The following CEP126 variants were observed in gnomAD, a reference collection of about 807,000 sequenced individuals.
CEP126 encodes centrosomal protein 126, also known as centrosomal protein of 126 kDa.
A neutral mutation model predicts 107.8 loss-of-function variants in CEP126; 74 were observed. That is an observed-to-expected ratio of 0.69 (90% CI 0.57 to 0.83). The LOEUF is 0.83. Ranked by LOEUF, CEP126 falls within the 40% of genes least tolerant of loss-of-function variation. CEP126 has a pLI of 0.00. For synonymous variants in CEP126, 449 were observed against 446.0 expected (o/e 1.01, Z -0.08); for missense variants, 1,237 against 1,281.9 (o/e 0.96, Z 0.53).
In CEP126 at chr11:101,956,605, T is replaced by C. The variant is rs764627452; in HGVS notation, c.507-1563T>C. The C allele has an allele frequency of 8.8e-6, 4 of 456,384 alleles. 1 individual carries two copies. The highest frequency in any genetic ancestry group is 4.7e-5 in the Admixed American group (2 of 42,578). The allele number at this position is 456,384 out of a possible 1,614,324, so 28.3% of individuals were successfully genotyped here. A position where few individuals can be genotyped will look rare whatever the true frequency, so the allele number is the denominator to read the frequency against. On this transcript the variant is annotated intron_variant, in intron 4 of 10. Transcript: ENST00000263468. ...TGTTTTCTTCCTCCTCATCTATTCT[T>C]TCCTCTTCTTCGACTTCCTGTTCTA...
intron 3 of CEP126, among the ~76,000 whole-genome samples, chr11:101,946,372 G>A (rs1940736478): frequency 6.6e-6 from 1 of 152,080 alleles, no homozygotes; most frequent in South Asian, 2.1e-4. Context: ...GCCAGGCATG[G>A]TAGTTCATGC....
intron 3 of CEP126, 78 bp from the exon 4 acceptor site, chr11:101,947,953 T>C (rs1343238220): frequency 1.8e-6 from 1 of 565,036 alleles, no homozygotes; most frequent in Non-Finnish European, 3.0e-6. Flanking sequence ...ATTTTATCAT[T>C]AACCAATTAA....
Position 101,997,659 on chromosome 11 carries a change from T to C in CEP126, c.*16T>C, listed in dbSNP as rs1941458460. 6.2e-7 allele frequency: 1 copy of C among 1,613,906 alleles called. No homozygotes were observed. Among genetic ancestry groups the C allele is most frequent in the South Asian group, 1.1e-5 (1 of 91,086 alleles). ...CAAGAGATAATTCCAGCAGAATCCG[T>C]CTAAGAAGACCTTTCATGTACTTCC... is the stretch of plus-strand genomic sequence containing the variant. On this transcript the variant is annotated 3_prime_UTR_variant, in exon 11 of 11. Coordinates refer to ENST00000263468, the MANE Select transcript of CEP126 (RefSeq NM_020802.4).
intron 9 of CEP126, among the ~76,000 whole-genome samples, chr11:101,991,866 C>G (rs1323093280): frequency 6.6e-6 from 1 of 152,146 alleles, no homozygotes; most frequent in Admixed American, 6.5e-5. Context: ...TATATGAAGT[C>G]TAAAAACAGA....
chr11:101,994,670 G>C (rs1393880139), intron 10 of CEP126, among the ~76,000 whole-genome samples: 3 of 152,164 alleles, frequency 2.0e-5, no homozygotes, highest in African/African-American at 7.2e-5. Context: ...TTGAAGATCA[G>C]ATGGTTATAG....
intron 4 of CEP126, among the ~76,000 whole-genome samples, chr11:101,948,891 A>C (rs1012703899): frequency 6.6e-6 from 1 of 152,218 alleles, no homozygotes; most frequent in Non-Finnish European, 1.5e-5. Context: ...CAATTCAGAC[A>C]ATAAATTATG....
At chr11:101,979,039 G>A (rs1250877505) in intron 7 of CEP126, among the ~76,000 whole-genome samples, 2 of 152,092 alleles carry the variant, frequency 1.3e-5, no homozygotes, top group Non-Finnish European at 1.5e-5. Context: ...GGCTGAGGCA[G>A]GAGAATTGCT....
chr11:101,985,261 G>T (rs1941303010), intron 8 of CEP126, among the ~76,000 whole-genome samples: 1 of 151,204 alleles, frequency 6.6e-6, no homozygotes, highest in Admixed American at 6.6e-5. Flanking sequence ...TGTGTATAAG[G>T]TATATATGAA....
intron 10 of CEP126, among the ~76,000 whole-genome samples, chr11:101,993,518 C>A (rs973767125): frequency 6.6e-6 from 1 of 152,028 alleles, no homozygotes; most frequent in Non-Finnish European, 1.5e-5. Flanking sequence ...ATGAACATAC[C>A]CCTGCATGTC....
intron 8 of CEP126, among the ~76,000 whole-genome samples, chr11:101,986,314 A>G (rs558392668): frequency 6.6e-6 from 1 of 152,260 alleles, no homozygotes; most frequent in African/African-American, 2.4e-5. Context: ...AAAAACTAAT[A>G]TGTAAAATCA....
intron 6 of CEP126, among the ~76,000 whole-genome samples, chr11:101,970,083 G>T (rs1941108033): frequency 6.6e-6 from 1 of 152,146 alleles, no homozygotes; most frequent in Admixed American, 6.5e-5. Flanking sequence ...ATTAAAATTA[G>T]AGACTATTTT....
At chr11:101,960,263 T>C (rs1251571014) in intron 5 of CEP126, among the ~76,000 whole-genome samples, 1 of 152,188 alleles carries the variant, frequency 6.6e-6, no homozygotes, top group Non-Finnish European at 1.5e-5. Flanking sequence ...AAGTATTGTT[T>C]ATGAAATCAG....
In CEP126 at chr11:101,999,892, A is replaced by T. The variant is rs894520230; in HGVS notation, c.*2249A>T. The T allele has an allele frequency of 6.6e-6, 1 of 152,260 alleles. No homozygotes were observed. The highest frequency in any genetic ancestry group is 1.5e-5 in the Non-Finnish European group (1 of 68,104). 9.4% of individuals were successfully genotyped at this position (152,260 alleles called of 1,614,324 possible). A position where few individuals can be genotyped will look rare whatever the true frequency, so the allele number is the denominator to read the frequency against. On this transcript the variant is annotated 3_prime_UTR_variant, in exon 11 of 11. Coordinates refer to ENST00000263468, the MANE Select transcript of CEP126 (RefSeq NM_020802.4). ...AAGACCCCATCTCTATATAAAATAT[A>T]AAAATGTTGGCTGTGCACGGTAGCT... is the stretch of plus-strand genomic sequence containing the variant.
chr11:101,923,971 ACTT>A (rs990303130), intron 2 of CEP126, among the ~76,000 whole-genome samples: 22 of 152,098 alleles, frequency 1.4e-4, no homozygotes, highest in East Asian at 1.9e-4. Flanking sequence ...GACACATAGG[ACTT>A]CTTATTTTTT....
At chr11:101,979,229 A>G (rs1190648030) in intron 7 of CEP126, among the ~76,000 whole-genome samples, 1 of 152,176 alleles carries the variant, frequency 6.6e-6, no homozygotes, top group Non-Finnish European at 1.5e-5. Context: ...AGACATGGCA[A>G]AAAGGAAAAT....
In CEP126 at chr11:101,949,350, A is replaced by G. The variant is rs561579468; in HGVS notation, c.506+1208A>G. On this transcript the variant is annotated intron_variant, in intron 4 of 10. Coordinates refer to ENST00000263468, the MANE Select transcript of CEP126 (RefSeq NM_020802.4). ...ATTGTCTTTTTAAACATATTATTCC[A>G]ATCCATTGTGAACAATTGTGGATAA... Among the ~76,000 whole-genome samples, 6 of 152,344 alleles carry G rather than the reference A, an allele frequency of 3.9e-5. No homozygotes were observed. The East Asian group carries it at 1.2e-3, about 29-fold the overall frequency.
chr11:101,971,014 CA>C (rs1941121674), intron 6 of CEP126, among the ~76,000 whole-genome samples: 1 of 152,106 alleles, frequency 6.6e-6, no homozygotes, highest in South Asian at 2.1e-4. Context: ...CTCACTCTGT[CA>C]CCCGGGCTGG....
In CEP126 at chr11:101,915,374, T is replaced by A. The variant is rs2137072217; in HGVS notation, c.90T>A (p.Pro30=). ...SDNLDRAPLG[P]RESGGHHRPG... ...ACCTCGACAGAGCCCCCCTCGGCCC[T>A]CGGGAGAGCGGCGGGCATCACCGAC... The change falls in exon 1 of 11, where the codon CCT becomes CCA. Residue 30 remains proline, a synonymous_variant. Transcript: ENST00000263468. The A allele has an allele frequency of 6.2e-7, 1 of 1,613,850 alleles. No homozygotes were observed. Among genetic ancestry groups the A allele is most frequent in the Middle Eastern group, 1.6e-4 (1 of 6,062 alleles).
At position 101,962,294 on chromosome 11, in the gene CEP126, C is replaced by A; in HGVS notation, c.1259C>A (p.Ser420Tyr). 1 of 1,613,596 alleles carries A rather than the reference C, an allele frequency of 6.2e-7. No individual in the cohort carries two copies. The highest frequency in any genetic ancestry group is 8.5e-7 in the Non-Finnish European group (1 of 1,179,786). Reference protein sequence around the residue: ...TESPTFKFSKSQSTSDSLTQE... With the variant: ...TESPTFKFSKYQSTSDSLTQE... ...AGCCCAACATTTAAATTTAGCAAAT[C>A]CCAAAGCACTTCAGATTCTCTAACC... is the stretch of plus-strand genomic sequence containing the variant. The change falls in exon 6 of 11, where the codon TCC becomes TAC. Residue 420 changes from serine (S) to tyrosine (Y), a missense_variant. Ser to Tyr is a moderately radical substitution (Grantham distance 144). Transcript: ENST00000263468.
Sources: allele counts gnomAD v4.1 joint callset (sites outside exome capture counted in the v4.1 genomes callset), GRCh38; gene constraint gnomAD v4.1.1; transcripts MANE v1.5; gene names NCBI Gene and HGNC (gene_info 2026-07-23, HGNC 2026-07-21).